Variants in SLC39A14 observed in about 807,000 individuals in gnomAD.
The protein encoded by SLC39A14 is metal cation symporter ZIP14.
Under a neutral mutation model 45.5 loss-of-function variants are expected in SLC39A14, and 19 were observed. The ratio of observed to expected loss-of-function variants is 0.42; its 90% CI spans 0.29 to 0.61. The LOEUF (loss-of-function observed/expected upper bound fraction) is 0.61. Ranked by LOEUF, SLC39A14 falls within the 20% of genes least tolerant of loss-of-function variation. The pLI, the probability that SLC39A14 is intolerant of heterozygous loss-of-function variation, is 0.22. For missense variants in SLC39A14, 447 were observed against 616.5 expected (o/e 0.73, Z 2.91); for synonymous variants, 264 against 251.3 (o/e 1.05, Z -0.48).
At chr8:22,419,443 A>G in intron 8 of SLC39A14, 109 bp from the exon 9 acceptor site, 1 of 1,106,104 alleles carries the variant, frequency 9.0e-7, no homozygotes, top group Non-Finnish European at 1.3e-6. Flanking sequence ...CCTGGCCCTG[A>G]TAATTTTCTT....
chr8:22,406,063 G>T (rs185601193), intron 2 of SLC39A14, among the ~76,000 whole-genome samples: 1 of 152,170 alleles, frequency 6.6e-6, no homozygotes, highest in Non-Finnish European at 1.5e-5. Context: ...GAAATGAGAG[G>T]GGGAGATGAG....
rs1203516491 is a variant in SLC39A14, at chr8:22,419,648, A to G, written c.1429A>G (p.Thr477Ala). 1 of 1,614,090 alleles carries G rather than the reference A, an allele frequency of 6.2e-7. No homozygotes were observed. Among genetic ancestry groups the G allele is most frequent in the East Asian group, 2.2e-5 (1 of 44,886 alleles). The change falls in exon 9 of 9, where the codon ACC (threonine) becomes GCC (alanine). Residue 477 changes from threonine (T) to alanine (A), a missense_variant. Thr to Ala is a moderately conservative substitution (Grantham distance 58). This residue lies in a region of SLC39A14 where 105 missense variants were observed against 188.4 expected (regional missense o/e 0.56). Coordinates refer to ENST00000381237, the MANE Select transcript of SLC39A14 (RefSeq NM_001128431.4). ...GAACCTGGGCCTCCTGACTGGATTCACCATCATGGTGGTCCTCACCATGTA... is the reference window on the plus strand; with the variant it reads ...GAACCTGGGCCTCCTGACTGGATTCGCCATCATGGTGGTCCTCACCATGTA... ...IQNLGLLTGF[T>A]IMVVLTMYSG... is the part of the protein sequence containing the mutation.
At chr8:22,423,786 T>TTCTCTCTCTCTCTCTCTCTCTC (rs58420252), downstream of SLC39A14, among the ~76,000 whole-genome samples, 1,289 of 122,184 alleles carry the variant, frequency 0.011, 78 homozygotes, top group East Asian at 0.049. Flanking sequence ...TTTAATTGGT[T>TTCTCTCTCTCTCTCTCTCTCTC]TCTCTCTCTC....
intron 1 of SLC39A14, among the ~76,000 whole-genome samples, chr8:22,388,994 G>A (rs560925101): frequency 5.3e-5 from 8 of 152,194 alleles, no homozygotes; most frequent in South Asian, 2.1e-4. Context: ...TCTTGCTGGC[G>A]CCCTGGTCGT....
chr8:22,384,132 G>T (rs1057320128), intron 1 of SLC39A14, among the ~76,000 whole-genome samples: 3 of 152,186 alleles, frequency 2.0e-5, no homozygotes, highest in African/African-American at 7.2e-5. Flanking sequence ...GCCAGCTCCC[G>T]GCTGTGGCCA....
chr8:22,385,077 A>G (rs1833720851), intron 1 of SLC39A14, among the ~76,000 whole-genome samples: 1 of 152,040 alleles, frequency 6.6e-6, no homozygotes, highest in Non-Finnish European at 1.5e-5. Flanking sequence ...AACAAAAACA[A>G]AAACAAACAA....
intron 1 of SLC39A14, among the ~76,000 whole-genome samples, chr8:22,399,927 A>T (rs1448322180): frequency 6.6e-6 from 1 of 152,202 alleles, no homozygotes; most frequent in Non-Finnish European, 1.5e-5. Flanking sequence ...TGAGGGGGGA[A>T]CATCTGTTGG....
chr8:22,392,250 C>T (rs957230845), intron 1 of SLC39A14, among the ~76,000 whole-genome samples: 6 of 152,092 alleles, frequency 3.9e-5, no homozygotes, highest in Admixed American at 6.6e-5. Context: ...AGGAAGGTGC[C>T]GGGCTCAGTG....
chr8:22,423,340 GTT>G (rs61108660), downstream of SLC39A14, among the ~76,000 whole-genome samples: 8 of 135,846 alleles, frequency 5.9e-5, no homozygotes, highest in Admixed American at 7.3e-5. Flanking sequence ...TTGTTGTTTT[GTT>G]TTTTTTTTTT....
chr8:22,377,374 C>T (rs1365769619), intron 1 of SLC39A14, among the ~76,000 whole-genome samples: 2 of 152,102 alleles, frequency 1.3e-5, no homozygotes, highest in African/African-American at 2.4e-5. Context: ...AGGCACTTCT[C>T]CACGGAGTCC....
chr8:22,423,020 C>T (rs1320188232), downstream of SLC39A14, among the ~76,000 whole-genome samples: 1 of 151,948 alleles, frequency 6.6e-6, no homozygotes, highest in African/African-American at 2.4e-5. Context: ...GATGGGGTTT[C>T]GCCATGTTGT....
rs963315983 is a variant in SLC39A14, at chr8:22,422,359, T to C, written c.*2661T>C. 3 of 985,868 alleles carry C rather than the reference T, an allele frequency of 3.0e-6. No homozygotes were observed. Among genetic ancestry groups the C allele is most frequent in the Non-Finnish European group, 3.6e-6 (3 of 829,950 alleles). 61.1% of individuals were successfully genotyped at this position (985,868 alleles called of 1,614,324 possible). ...TTTGTGTCTAGTGTCAAATTGGAGC[T>C]ATTCTTCACTGGTCCTTAACCTTGG... is the stretch of plus-strand genomic sequence containing the variant. On this transcript the variant is annotated 3_prime_UTR_variant, in exon 9 of 9. Coordinates refer to ENST00000381237, the MANE Select transcript of SLC39A14 (RefSeq NM_001128431.4).
intron 1 of SLC39A14, among the ~76,000 whole-genome samples, chr8:22,378,172 C>T (rs1833313531): frequency 6.6e-6 from 1 of 152,176 alleles, no homozygotes; most frequent in African/African-American, 2.4e-5. Flanking sequence ...TGCAGAGACC[C>T]ATACTGCCTG....
chr8:22,415,733 GAAT>G, intron 5 of SLC39A14, 33 bp from the exon 6 acceptor site: 1 of 1,593,304 alleles, frequency 6.3e-7, no homozygotes. Flanking sequence ...TGGTTTTGGT[GAAT>G]GTCATGCTGA....
intron 1 of SLC39A14, among the ~76,000 whole-genome samples, chr8:22,378,451 T>A (rs1027867573): frequency 6.6e-6 from 1 of 152,176 alleles, no homozygotes; most frequent in East Asian, 1.9e-4. Context: ...CTTGTGGCTA[T>A]AGGACTGAGG....
intron 1 of SLC39A14, among the ~76,000 whole-genome samples, chr8:22,381,401 G>C (rs917907264): frequency 1.1e-4 from 16 of 152,224 alleles, no homozygotes; most frequent in Middle Eastern, 3.4e-3. Flanking sequence ...CTCCCAAGTA[G>C]CTGGGAATAT....
chr8:22,409,000 T>G (rs1361784920), intron 3 of SLC39A14, among the ~76,000 whole-genome samples: 1 of 151,838 alleles, frequency 6.6e-6, no homozygotes, highest in Non-Finnish European at 1.5e-5. Flanking sequence ...TTTAAATTTT[T>G]TGTAGAGACA....
At chr8:22,433,925 A>C (rs1836505939) in exon 9 of SLC39A14, 1 of 428,426 alleles carries the variant, frequency 2.3e-6, no homozygotes. Context: ...GCTGGAGTGC[A>C]ATGGTGCCAT....
chr8:22,383,406 G>A (rs1833619347), intron 1 of SLC39A14, among the ~76,000 whole-genome samples: 1 of 152,178 alleles, frequency 6.6e-6, no homozygotes, highest in African/African-American at 2.4e-5. Context: ...ACCTGGACCA[G>A]CTATATTGTT....
Sources: gnomAD v4.1 joint callset for allele counts (sites outside exome capture counted in the v4.1 genomes callset) on GRCh38, gnomAD v4.1.1 for gene constraint, gnomAD v4.1.1 regional missense constraint, MANE v1.5 for transcripts, NCBI Gene and HGNC (gene_info 2026-07-23, HGNC 2026-07-21) for gene names.